BLTP1: variants seen among roughly 807,000 people sequenced by gnomAD.
BLTP1 encodes fragile site-associated protein.
the BLTP1 span, among the ~76,000 whole-genome samples, chr4:122,197,728 G>A: frequency 6.6e-6 from 1 of 152,098 alleles, no homozygotes; most frequent in Non-Finnish European, 1.5e-5. Flanking sequence ...GGTACTTTGA[G>A]TGGCATAACT....
chr4:122,309,557 A>G, the BLTP1 span: 1 of 1,251,726 alleles, frequency 8.0e-7, no homozygotes, highest in Non-Finnish European at 1.1e-6. Context: ...TAGATATAGC[A>G]AATGTTTTTA....
the BLTP1 span, chr4:122,196,559 TATTG>T: frequency 1.2e-5 from 14 of 1,183,286 alleles, no homozygotes; most frequent in Non-Finnish European, 1.6e-5. Flanking sequence ...AAAATTAGAA[TATTG>T]ATTATGTTCC....
chr4:122,339,455 T>C, the BLTP1 span: 2 of 1,333,130 alleles, frequency 1.5e-6, no homozygotes, highest in Admixed American at 4.4e-5. Flanking sequence ...CCAAATACTA[T>C]TTTTAAATCA....
the BLTP1 span, chr4:122,360,169 C>A: frequency 2.4e-6 from 1 of 415,434 alleles, no homozygotes; most frequent in Non-Finnish European, 3.2e-6. Flanking sequence ...ATAAAACCTG[C>A]AGCATCACAG....
chr4:122,192,095 C>T, the BLTP1 span: 2 of 816,960 alleles, frequency 2.4e-6, no homozygotes, highest in South Asian at 2.8e-5. Flanking sequence ...AGAACAACCC[C>T]TTTTAGGTTC....
chr4:122,208,962 C>A, the BLTP1 span: 501 of 362,522 alleles, frequency 1.4e-3, 3 homozygotes, highest in African/African-American at 0.012. Flanking sequence ...TTCACTCCAA[C>A]CTCAGTGACA....
chr4:122,182,163 A>G, the BLTP1 span, among the ~76,000 whole-genome samples: 1 of 152,218 alleles, frequency 6.6e-6, no homozygotes, highest in Admixed American at 6.5e-5. Flanking sequence ...ATACAGAGAG[A>G]CAGCAATATG....
chr4:122,343,772 AC>A, the BLTP1 span: 1 of 428,590 alleles, frequency 2.3e-6, no homozygotes, highest in African/African-American at 2.1e-5. Context: ...GTAGACATAT[AC>A]AATAAGTAAT....
At chr4:122,340,880 C>T in the BLTP1 span, 1 of 907,730 alleles carries the variant, frequency 1.1e-6, no homozygotes, top group Non-Finnish European at 1.3e-6. Flanking sequence ...TCCCTTTATC[C>T]TAGATAACTA....
chr4:122,257,275 G>T, the BLTP1 span: 1 of 1,613,482 alleles, frequency 6.2e-7, no homozygotes, highest in South Asian at 1.1e-5. Flanking sequence ...TTCCTGCTTT[G>T]GTAACTTTGA....
chr4:122,271,032 A>G, the BLTP1 span: 9 of 1,600,286 alleles, frequency 5.6e-6, no homozygotes, highest in Admixed American at 6.9e-5. Context: ...GGCCATGTGA[A>G]TCTTCCTCCA....
chr4:122,358,426 A>G, the BLTP1 span, among the ~76,000 whole-genome samples: 1 of 152,216 alleles, frequency 6.6e-6, no homozygotes, highest in Admixed American at 6.5e-5. Context: ...ATAACAAAAT[A>G]TGTATGTGAG....
At chr4:122,307,380 T>G in the BLTP1 span, 2 of 738,232 alleles carry the variant, frequency 2.7e-6, no homozygotes, top group Non-Finnish European at 3.3e-6. Context: ...TTAGGGATGC[T>G]CAACCTGCAT....
At chr4:122,211,285 G>A in the BLTP1 span, among the ~76,000 whole-genome samples, 3 of 152,110 alleles carry the variant, frequency 2.0e-5, no homozygotes, top group Non-Finnish European at 4.4e-5. Context: ...GTACTCCTCA[G>A]TTCAGCATTC....
At chr4:122,202,532 A>G in the BLTP1 span, 3 of 967,396 alleles carry the variant, frequency 3.1e-6, no homozygotes, top group Non-Finnish European at 3.7e-6. Context: ...AGAATCTGTT[A>G]CATTACTTAC....
At chr4:122,347,416 A>G in the BLTP1 span, 3,321 of 1,399,014 alleles carry the variant, frequency 2.4e-3, 79 homozygotes, top group African/African-American at 0.043. Flanking sequence ...ACTAGAAGGA[A>G]TATGTAATGT....
At chr4:122,196,930 A>G in the BLTP1 span, 4 of 511,648 alleles carry the variant, frequency 7.8e-6, no homozygotes, top group African/African-American at 8.0e-5. Context: ...TATGTATTTT[A>G]CTATCATCAT....
chr4:122,362,010 T>G, the BLTP1 span: 1 of 733,638 alleles, frequency 1.4e-6, no homozygotes, highest in East Asian at 7.8e-5. Flanking sequence ...TCCTTAATAA[T>G]AACTGTAATT....
chr4:122,340,862 T>C, the BLTP1 span: 1 of 907,540 alleles, frequency 1.1e-6, no homozygotes, highest in Non-Finnish European at 1.3e-6. Flanking sequence ...GAAATGAAAA[T>C]GAGAATATCC....
Sources: allele counts gnomAD v4.1 joint callset (sites outside exome capture counted in the v4.1 genomes callset), GRCh38; gene constraint gnomAD v4.1.1; transcripts MANE v1.5; gene names NCBI Gene and HGNC (gene_info 2026-07-23, HGNC 2026-07-21).